Variants in PSMA8 observed in about 807,000 individuals in gnomAD.
The protein encoded by PSMA8 is proteasome 20S subunit alpha 8, also known as proteasome subunit alpha-type 8.
PSMA8 carries 18 observed loss-of-function variants against 32.4 expected under a neutral mutation model. That is an observed-to-expected ratio of 0.56 (90% CI 0.38 to 0.82). PSMA8 has a LOEUF of 0.82. Ranked by LOEUF, PSMA8 falls within the 40% of genes least tolerant of loss-of-function variation. The pLI is 0.00. For synonymous variants in PSMA8, 104 were observed against 98.1 expected (o/e 1.06, Z -0.36); for missense variants, 298 against 300.7 (o/e 0.99, Z 0.07).
chr18:26,191,570 GA>G (rs1366170388), intron 6 of PSMA8, among the ~76,000 whole-genome samples: 2 of 40 alleles, frequency 0.05, no homozygotes, highest in Admixed American at 0.25. Context: ...AGAATCGCTT[GA>G]ACCCGGCAGC....
At chr18:26,153,667 A>G (rs1272548127) in intron 3 of PSMA8, among the ~76,000 whole-genome samples, 2 of 152,130 alleles carry the variant, frequency 1.3e-5, no homozygotes, top group East Asian at 3.9e-4. Flanking sequence ...AGTGGTTAAG[A>G]GTGTGCCTTC....
intron 4 of PSMA8, among the ~76,000 whole-genome samples, chr18:26,169,562 G>A (rs1471681221): frequency 7.7e-6 from 1 of 129,642 alleles, no homozygotes; most frequent in African/African-American, 4.3e-5. Context: ...AAGATGTGCC[G>A]GGTGTGGTGG....
chr18:26,174,824 G>A (rs1407722981), intron 4 of PSMA8, among the ~76,000 whole-genome samples: 2 of 152,178 alleles, frequency 1.3e-5, no homozygotes, highest in Non-Finnish European at 2.9e-5. Context: ...AGTAAGTTTT[G>A]TTACCAAAGT....
At chr18:26,185,675 AG>A (rs1429389839) in intron 6 of PSMA8, among the ~76,000 whole-genome samples, 2 of 150,834 alleles carry the variant, frequency 1.3e-5, no homozygotes, top group Non-Finnish European at 3.0e-5. Context: ...TGTATTCTCT[AG>A]GAAGTTTTTC....
At chr18:26,142,959 A>G (rs2054970886) in intron 1 of PSMA8, among the ~76,000 whole-genome samples, 1 of 152,174 alleles carries the variant, frequency 6.6e-6, no homozygotes, top group African/African-American at 2.4e-5. Context: ...TATCCCTCCA[A>G]ATTGTGAAAT....
chr18:26,154,236 T>A (rs2055068897), intron 3 of PSMA8, among the ~76,000 whole-genome samples: 1 of 152,204 alleles, frequency 6.6e-6, no homozygotes, highest in Admixed American at 6.5e-5. Flanking sequence ...AGATTTTTAA[T>A]AAACTAATTA....
rs771261480 is a variant in PSMA8, at chr18:26,192,301, A to AT, written c.661-11dup. On this transcript the variant is annotated splice_polypyrimidine_tract_variant and intron_variant, in intron 6 of 6. Transcript: ENST00000415576. Reference sequence around the variant, plus strand: ...CGTATAACTGACATTTGATCTTTAAATTTTTTTCTCTTTTCAGATGTTTAG... The same window carrying AT: ...CGTATAACTGACATTTGATCTTTAAATTTTTTTTCTCTTTTCAGATGTTTAG... The AT allele has an allele frequency of 3.4e-6, 5 of 1,470,236 alleles. No individual in the cohort carries two copies. Among genetic ancestry groups the AT allele is most frequent in the Non-Finnish European group, 4.5e-6 (5 of 1,114,794 alleles). 91.1% of individuals were successfully genotyped at this position (1,470,236 alleles called of 1,614,324 possible).
chr18:26,190,539 A>G (rs142276942), intron 6 of PSMA8, among the ~76,000 whole-genome samples: 2,302 of 152,326 alleles, frequency 0.015, 61 homozygotes, highest in African/African-American at 0.052. Context: ...GATTGAGCCC[A>G]GGAGTTTGAG....
At chr18:26,148,245 A>T (rs11083163) in intron 2 of PSMA8, among the ~76,000 whole-genome samples, 17,074 of 152,072 alleles carry the variant, frequency 0.11, 1,538 homozygotes, top group African/African-American at 0.23. Context: ...AATATCCCTT[A>T]TGAGCAGTGA....
intron 4 of PSMA8, among the ~76,000 whole-genome samples, chr18:26,163,099 A>C (rs2055148057): frequency 1.3e-5 from 2 of 150,968 alleles, no homozygotes; most frequent in African/African-American, 4.9e-5. Context: ...GGTTATGGGA[A>C]TATAGAGGTG....
chr18:26,192,579 C>A lies in PSMA8; in HGVS notation c.*168C>A. On this transcript the variant is annotated 3_prime_UTR_variant, in exon 7 of 7. Transcript: ENST00000415576. ...GGCTGTCTTCATTCTATTACATAGT[C>A]AAACATAGGTTTATGTGAAGATTTT... 2 of 680,388 alleles carry A rather than the reference C, an allele frequency of 2.9e-6. No homozygotes were observed. Among genetic ancestry groups the A allele is most frequent in the Non-Finnish European group, 4.2e-6 (2 of 478,176 alleles). 42.1% of individuals were successfully genotyped at this position (680,388 alleles called of 1,614,324 possible).
chr18:26,155,757 A>G (rs2144301561), intron 3 of PSMA8, among the ~76,000 whole-genome samples: 1 of 152,310 alleles, frequency 6.6e-6, no homozygotes, highest in Admixed American at 6.5e-5. Flanking sequence ...ATTTTTATGG[A>G]TAAGACTTTA....
intron 6 of PSMA8, among the ~76,000 whole-genome samples, chr18:26,183,513 A>G (rs2055329490): frequency 6.6e-6 from 1 of 150,988 alleles, no homozygotes; most frequent in Non-Finnish European, 1.5e-5. Flanking sequence ...AAGTCACTGC[A>G]GATGTGGTAC....
At chr18:26,180,364 T>A (rs1233497750) in intron 6 of PSMA8, among the ~76,000 whole-genome samples, 3 of 152,182 alleles carry the variant, frequency 2.0e-5, no homozygotes, top group Non-Finnish European at 4.4e-5. Flanking sequence ...GTTTGTTTGT[T>A]TCTGTTTTTG....
chr18:26,165,674 A>AT (rs1164401269), intron 4 of PSMA8, among the ~76,000 whole-genome samples: 1 of 149,828 alleles, frequency 6.7e-6, no homozygotes, highest in Admixed American at 6.6e-5. Flanking sequence ...GATAGCAGTG[A>AT]TAAAAAAAAA....
intron 5 of PSMA8, 54 bp downstream of exon 5, chr18:26,179,003 C>A: frequency 6.2e-7 from 1 of 1,605,956 alleles, no homozygotes; most frequent in South Asian, 1.1e-5. Context: ...TTTCCTCATC[C>A]ATTTTTGTTT....
rs2055066871 is a variant in PSMA8, at chr18:26,154,000, C to T, written c.354+2018C>T. 2.0e-5 allele frequency among the ~76,000 whole-genome samples: 3 copies of T among 152,262 alleles called. No homozygotes were observed. In the South Asian group the frequency reaches 6.2e-4, roughly 32 times the overall value. On this transcript the variant is annotated intron_variant, in intron 3 of 6. Coordinates refer to ENST00000415576, the MANE Select transcript of PSMA8 (RefSeq NM_001025096.2). ...CCCTGCAACCTCTGCCGCACAGGTTCAAGCAATGCTTATACCCCAGCCTCC... is the reference window on the plus strand; with the variant it reads ...CCCTGCAACCTCTGCCGCACAGGTTTAAGCAATGCTTATACCCCAGCCTCC...
intron 1 of PSMA8, among the ~76,000 whole-genome samples, chr18:26,136,775 A>C (rs960120337): frequency 4.6e-5 from 7 of 152,154 alleles, no homozygotes; most frequent in Admixed American, 6.5e-5. Context: ...GGTATAATTC[A>C]TTTTTCTATT....
intron 4 of PSMA8, 108 bp downstream of exon 4, chr18:26,158,352 A>T: frequency 1.1e-6 from 1 of 918,414 alleles, no homozygotes; most frequent in Non-Finnish European, 1.6e-6. Flanking sequence ...AAATATTGAT[A>T]TTGGTAAAAT....
Sources: gnomAD v4.1 joint callset for allele counts (sites outside exome capture counted in the v4.1 genomes callset) on GRCh38, gnomAD v4.1.1 for gene constraint, MANE v1.5 for transcripts, NCBI Gene and HGNC (gene_info 2026-07-23, HGNC 2026-07-21) for gene names.